Variants in LONRF3 observed in about 807,000 individuals in gnomAD.
LONRF3 encodes LON peptidase N-terminal domain and ring finger 3.
A neutral mutation model predicts 51.7 loss-of-function variants in LONRF3; 19 were observed. The ratio of observed to expected loss-of-function variants is 0.37; its 90% CI spans 0.26 to 0.54. LONRF3 has a LOEUF of 0.54. LONRF3 is among the 20% of genes least tolerant of loss of function. The pLI is 0.86. For missense variants in LONRF3, 521 were observed against 623.9 expected (o/e 0.84, Z 1.76); for synonymous variants, 265 against 257.8 (o/e 1.03, Z -0.27).
Position 118,990,525 on chromosome X carries a change from C to T in LONRF3, c.1380C>T (p.Phe460=), listed in dbSNP as rs368940484. 145 of 1,208,153 alleles carry T rather than the reference C, an allele frequency of 1.2e-4. No individual in the cohort carries two copies. Among genetic ancestry groups the T allele is most frequent in the Non-Finnish European group, 1.4e-4 (124 of 893,358 alleles). ...KPALSLPLAS[F]DASDLECALC... is the part of the protein sequence containing the mutation. ...CTCTCAGTTTACCACTTGCATCTTTCGACGCATCTGACCTTGAATGCGCTC... is the reference window on the plus strand; with the variant it reads ...CTCTCAGTTTACCACTTGCATCTTTTGACGCATCTGACCTTGAATGCGCTC... Residue 460 remains phenylalanine, a synonymous_variant, in exon 5 of 11, where the codon TTC becomes TTT. Transcript: ENST00000371628.
chrX:119,001,816 A>G (rs1199313150), intron 5 of LONRF3, among the ~76,000 whole-genome samples: 1 of 112,824 alleles, frequency 8.9e-6, no homozygotes, highest in Non-Finnish European at 1.9e-5. Context: ...GCAATTAATT[A>G]GCCAGCTATA....
intron 5 of LONRF3, among the ~76,000 whole-genome samples, chrX:118,996,425 CCT>C (rs1923870372): frequency 9.0e-6 from 1 of 111,154 alleles, no homozygotes; most frequent in African/African-American, 3.3e-5. Flanking sequence ...CCTAAGGACT[CCT>C]CTAGAAAGCT....
intron 5 of LONRF3, among the ~76,000 whole-genome samples, chrX:118,994,045 C>T (rs538899409): frequency 8.9e-6 from 1 of 112,156 alleles, no homozygotes; most frequent in East Asian, 2.8e-4. Context: ...GAAACAAATC[C>T]TGGAAACACA....
chrX:118,992,693 C>T (rs112318061), intron 5 of LONRF3, among the ~76,000 whole-genome samples: 1 of 111,616 alleles, frequency 9.0e-6, no homozygotes, highest in African/African-American at 3.3e-5. Flanking sequence ...GAAAGCACCA[C>T]CTCCTGGCAG....
intron 4 of LONRF3, among the ~76,000 whole-genome samples, chrX:118,989,893 T>C (rs1280573609): frequency 8.9e-6 from 1 of 111,788 alleles, no homozygotes; most frequent in Non-Finnish European, 1.9e-5. Flanking sequence ...TAATTATTAA[T>C]ATAATGGAAA....
At chrX:119,014,473 G>A (rs750960648) in intron 10 of LONRF3, 117 bp downstream of exon 10, 1 of 703,559 alleles carries the variant, frequency 1.4e-6, no homozygotes, top group South Asian at 3.1e-5. Context: ...GAGGAAGATG[G>A]ATTTAATTTG....
At chrX:118,990,788 G>C (rs940897884) in intron 5 of LONRF3, among the ~76,000 whole-genome samples, 1 of 112,089 alleles carries the variant, frequency 8.9e-6, no homozygotes, top group Admixed American at 9.4e-5. Context: ...AGAGTGGGAA[G>C]GGAACAGTCT....
At chrX:118,978,275 C>A in intron 1 of LONRF3, 70 bp from the exon 2 acceptor site, 2 of 648,138 alleles carry the variant, frequency 3.1e-6, no homozygotes, top group South Asian at 2.4e-5. Context: ...AAGATCCATA[C>A]TCATACAGGA....
chrX:119,013,099 C>T lies in LONRF3; in HGVS notation c.1872C>T (p.Arg624=), dbSNP rs1345066728. ...ATGTTCAATTCTTTGCTGATGGCCGCTCAGTGGTTGACAGCATAGGCAAGA... is the reference window on the plus strand; with the variant it reads ...ATGTTCAATTCTTTGCTGATGGCCGTTCAGTGGTTGACAGCATAGGCAAGA... ...IRNVQFFADG[R]SVVDSIGKRR... is the part of the protein sequence containing the mutation. The change falls in exon 9 of 11, where the codon CGC becomes CGT. Residue 624 remains arginine, a synonymous_variant. Transcript: ENST00000371628. The T allele has an allele frequency of 8.3e-7, 1 of 1,212,066 alleles. No individual in the cohort carries two copies. The highest frequency in any genetic ancestry group is 1.8e-5 in the South Asian group (1 of 57,001).
intron 6 of LONRF3, among the ~76,000 whole-genome samples, chrX:119,008,328 G>A (rs1924872761): frequency 8.9e-6 from 1 of 112,177 alleles, no homozygotes; most frequent in South Asian, 3.7e-4. Context: ...TGGGACTGTA[G>A]GGGTAGTTTC....
At chrX:118,998,940 G>A (rs5957091) in intron 5 of LONRF3, among the ~76,000 whole-genome samples, 4,144 of 112,249 alleles carry the variant, frequency 0.037, 210 homozygotes, top group African/African-American at 0.13. Context: ...GATTACAGGC[G>A]TGAGCCACTA....
rs766875522 is a variant in LONRF3, at chrX:119,017,181, C to T, written c.2125-354C>T. On this transcript the variant is annotated intron_variant, in intron 10 of 10. Coordinates refer to ENST00000371628, the MANE Select transcript of LONRF3 (RefSeq NM_001031855.3). Reference sequence around the variant, plus strand: ...CTCTTGATTGAGAAAGGCTGATCCTCACCACGTCCATGTTCTAGCTAGGGG... The same window carrying T: ...CTCTTGATTGAGAAAGGCTGATCCTTACCACGTCCATGTTCTAGCTAGGGG... 1.3e-4 allele frequency among the ~76,000 whole-genome samples: 15 copies of T among 111,633 alleles called. No homozygotes were observed. The East Asian group carries it at 2.3e-3, about 17-fold the overall frequency.
At position 118,989,614 on chromosome X, in the gene LONRF3, A is replaced by G. The variant is rs772456972; in HGVS notation, c.1266A>G (p.Lys422=). 2.5e-6 allele frequency: 3 copies of G among 1,211,320 alleles called. No individual in the cohort carries two copies. The highest frequency in any genetic ancestry group is 3.4e-6 in the Non-Finnish European group (3 of 895,284). The change falls in exon 4 of 11, where the codon AAA becomes AAG. Residue 422 remains lysine (K), a synonymous_variant. Coordinates refer to ENST00000371628, the MANE Select transcript of LONRF3 (RefSeq NM_001031855.3). ...KTGKCQEKKR[K]HCQIESQEET... is the part of the protein sequence containing the mutation. Reference sequence around the variant, plus strand: ...GAAAATGCCAGGAAAAGAAAAGGAAACATTGCCAGATTGAATCCCAAGAAG... The same window carrying G: ...GAAAATGCCAGGAAAAGAAAAGGAAGCATTGCCAGATTGAATCCCAAGAAG...
intron 5 of LONRF3, among the ~76,000 whole-genome samples, chrX:118,998,992 G>C (rs1168192414): frequency 1.8e-5 from 2 of 112,592 alleles, no homozygotes; most frequent in African/African-American, 6.5e-5. Flanking sequence ...TACATGGTGG[G>C]ATCCAGCGAG....
intron 8 of LONRF3, 70 bp from the exon 9 acceptor site, chrX:119,012,969 G>A (rs1925212585): frequency 8.3e-7 from 1 of 1,200,175 alleles, no homozygotes; most frequent in African/African-American, 1.7e-5. Flanking sequence ...TACAGAAATG[G>A]CTGGGTGCCA....
intron 5 of LONRF3, among the ~76,000 whole-genome samples, chrX:119,005,096 G>A (rs1197612455): frequency 1.8e-5 from 2 of 111,974 alleles, no homozygotes; most frequent in Admixed American, 9.5e-5. Flanking sequence ...CCAGGCTGCT[G>A]GTGCACCTCC....
rs748743954 is a variant in LONRF3 at position 119,006,188 on chromosome X, C to T, written c.1483C>T (p.Leu495=). Residue 495 remains leucine (L), a synonymous_variant, in exon 6 of 11, where the codon CTA becomes TTA. Transcript: ENST00000371628. ...TTGCTTAAAATGCCTAGAAAGATGCCTAGATCACAACGCAAAGTGTCCATT... is the reference window on the plus strand; with the variant it reads ...TTGCTTAAAATGCCTAGAAAGATGCTTAGATCACAACGCAAAGTGTCCATT... ...TFCLKCLERC[L]DHNAKCPLCK... is the part of the protein sequence containing the mutation. 1 of 1,197,852 alleles carries T rather than the reference C, an allele frequency of 8.3e-7. No homozygotes were observed. The highest frequency in any genetic ancestry group is 1.8e-5 in the African/African-American group (1 of 56,976).
At chrX:119,005,790 C>T (rs1021200090) in intron 5 of LONRF3, among the ~76,000 whole-genome samples, 2 of 111,209 alleles carry the variant, frequency 1.8e-5, no homozygotes, top group African/African-American at 3.3e-5. Flanking sequence ...TAAATATTTT[C>T]GGAATGGAAT....
intron 5 of LONRF3, among the ~76,000 whole-genome samples, chrX:118,998,107 A>G (rs1402892501): frequency 1.8e-5 from 2 of 112,347 alleles, no homozygotes; most frequent in African/African-American, 6.5e-5. Context: ...TGATCCAGCA[A>G]TCCCACTGGG....
Sources: gnomAD v4.1 joint callset for allele counts (sites outside exome capture counted in the v4.1 genomes callset) on GRCh38, gnomAD v4.1.1 for gene constraint, MANE v1.5 for transcripts, NCBI Gene and HGNC (gene_info 2026-07-23, HGNC 2026-07-21) for gene names.